TG: variants seen among roughly 807,000 people sequenced by gnomAD.
TG encodes the protein thyroid hormones.
In TG, 270 loss-of-function variants were observed where a neutral mutation model predicts 324.7. The ratio of observed to expected loss-of-function variants is 0.83; its 90% confidence interval spans 0.75 to 0.92. The LOEUF (loss-of-function observed/expected upper bound fraction) is 0.92, where lower values mean the gene tolerates loss of function less well. Among genes scored for constraint, TG ranks in the 40% least tolerant of loss-of-function variants. TG has a pLI of 0.00. For synonymous variants in TG, 1,401 were observed against 1,327.0 expected, an observed-to-expected ratio of 1.06 and a Z score of -1.21; for missense variants, 3,591 against 3,456.4, an observed-to-expected ratio of 1.04 and a Z score of -0.98.
At chr8:132,931,644 T>A (rs1032257394) in intron 23 of TG, among the ~76,000 whole-genome samples, 6 of 152,152 alleles carry the variant, frequency 3.9e-5, no homozygotes, top group Non-Finnish European at 5.9e-5. Flanking sequence ...GGGTCTAGGG[T>A]GCTCATCCTT....
chr8:133,105,023 A>G (rs530805598), intron 43 of TG, among the ~76,000 whole-genome samples: 2 of 152,278 alleles, frequency 1.3e-5, no homozygotes, highest in Non-Finnish European at 1.5e-5. Context: ...TTGTGTCTCC[A>G]TCTACCTCAG....
intron 26 of TG, among the ~76,000 whole-genome samples, chr8:132,945,325 G>GAATTTGGGAGGATGGGGAATCTAGTCA (rs1825090679): frequency 6.6e-6 from 1 of 152,178 alleles, no homozygotes; most frequent in Non-Finnish European, 1.5e-5. Context: ...ATAAGACTTT[G>GAATTTGGGAGGATGGGGAATCTAGTCA]AATTTGGGGG....
At chr8:132,995,743 G>A (rs1832815015) in intron 35 of TG, among the ~76,000 whole-genome samples, 1 of 152,128 alleles carries the variant, frequency 6.6e-6, no homozygotes, top group Non-Finnish European at 1.5e-5. Flanking sequence ...CTGAGCCTTT[G>A]AAATTTCACT....
chr8:133,094,791 G>T, intron 41 of TG: 2 of 569,310 alleles, frequency 3.5e-6, no homozygotes, highest in Non-Finnish European at 3.2e-6. Flanking sequence ...AAGACTGAAG[G>T]TTCCCTTGTG....
At chr8:132,952,406 G>T (rs543126413) in intron 27 of TG, among the ~76,000 whole-genome samples, 2 of 152,270 alleles carry the variant, frequency 1.3e-5, no homozygotes, top group South Asian at 2.1e-4. Flanking sequence ...TGTGCAATGG[G>T]CGCATTCGTT....
At chr8:132,875,627 T>G (rs921098057) in intron 5 of TG, among the ~76,000 whole-genome samples, 1 of 152,324 alleles carries the variant, frequency 6.6e-6, no homozygotes, top group East Asian at 1.9e-4. Context: ...ACACTGAGGT[T>G]GAGGCACAAT....
intron 20 of TG, 47 bp downstream of exon 20, chr8:132,913,312 C>T (rs1819801122): frequency 6.3e-7 from 1 of 1,595,888 alleles, no homozygotes; most frequent in Non-Finnish European, 8.6e-7. Context: ...CCATGTGAGG[C>T]TTTAGGAAAG....
intron 40 of TG, among the ~76,000 whole-genome samples, chr8:133,023,164 T>G (rs1835710005): frequency 6.6e-6 from 1 of 152,164 alleles, no homozygotes; most frequent in African/African-American, 2.4e-5. Flanking sequence ...GGGGTAGGCG[T>G]CCAGCATGAG....
At chr8:132,906,931 C>T in intron 17 of TG, 31 bp downstream of exon 17, 1 of 1,582,434 alleles carries the variant, frequency 6.3e-7, no homozygotes, top group South Asian at 1.1e-5. Flanking sequence ...TATCCTGCAC[C>T]CCGCTCCCTC....
chr8:133,116,906 A>G (rs1850743790), intron 45 of TG, among the ~76,000 whole-genome samples, 190 bp downstream of exon 45: 1 of 152,168 alleles, frequency 6.6e-6, no homozygotes, highest in African/African-American at 2.4e-5. Flanking sequence ...AATGGTGTGA[A>G]AGGCTTTGCA....
At chr8:132,976,540 G>T (rs1830196974) in intron 34 of TG, among the ~76,000 whole-genome samples, 1 of 152,178 alleles carries the variant, frequency 6.6e-6, no homozygotes, top group Non-Finnish European at 1.5e-5. Flanking sequence ...TTGGCCTAAG[G>T]CCCAGCTCCT....
Position 133,017,974 on chromosome 8 carries a change from C to T in TG, c.6759C>T (p.Gly2253=). ...CACCAGAGCCCTTGAACTGGACAGG[C>T]TCCTGGGATGCCAGCAAGCCAAGGT... ...FQAPEPLNWT[G]SWDASKPRAS... The change falls in exon 38 of 48, where the codon GGC becomes GGT. Residue 2253 remains glycine (G), a synonymous_variant. Coordinates refer to ENST00000220616, the MANE Select transcript of TG (RefSeq NM_003235.5). The T allele has an allele frequency of 4.3e-6, 7 of 1,614,198 alleles. No individual in the cohort carries two copies. The highest frequency in any genetic ancestry group is 1.1e-5 in the South Asian group (1 of 91,082).
At chr8:133,117,966 A>G (rs1850834089) in intron 45 of TG, among the ~76,000 whole-genome samples, 2 of 152,200 alleles carry the variant, frequency 1.3e-5, no homozygotes, top group African/African-American at 4.8e-5. Flanking sequence ...TAGGGTTGGC[A>G]TTGACAGTAC....
At chr8:133,028,569 G>T (rs2130980862) in intron 40 of TG, among the ~76,000 whole-genome samples, 1 of 152,328 alleles carries the variant, frequency 6.6e-6, no homozygotes. Context: ...GCACGGTTCT[G>T]TTCCCTTTAC....
At chr8:133,089,816 T>TGCCCACTCCCCCTCGGAATGGTC (rs1847210792) in intron 41 of TG, among the ~76,000 whole-genome samples, 1 of 152,156 alleles carries the variant, frequency 6.6e-6, no homozygotes, top group Non-Finnish European at 1.5e-5. Context: ...CTGCCATCCC[T>TGCCCACTCCCCCTCGGAATGGTC]GCCCACTCCC....
intron 18 of TG, among the ~76,000 whole-genome samples, chr8:132,909,454 G>C (rs1427698389): frequency 6.6e-6 from 1 of 152,190 alleles, no homozygotes; most frequent in African/African-American, 2.4e-5. Flanking sequence ...CTAGAGAGCT[G>C]AGGACCATGC....
rs187364594 is a variant in TG, at chr8:132,902,071, T to C, written c.3634+518T>C. 8.2e-4 allele frequency among the ~76,000 whole-genome samples: 125 copies of C among 152,320 alleles called. No homozygotes were observed. The East Asian group carries it at 0.018, about 23-fold the overall frequency. The stretch of plus-strand genomic sequence containing the variant: ...ATTATTATTGATTTTTAACCTTTTA[T>C]TTCTCCAATCTCTCAAGTCACAGGA... On this transcript the variant is annotated intron_variant, in intron 16 of 47. Transcript: ENST00000220616.
chr8:132,868,719 C>A (rs1029618854), intron 2 of TG, among the ~76,000 whole-genome samples: 1 of 152,210 alleles, frequency 6.6e-6, no homozygotes, highest in Non-Finnish European at 1.5e-5. Context: ...GGGTCGCTGT[C>A]TCCACATTGA....
chr8:133,062,620 C>A (rs750795849), intron 41 of TG, among the ~76,000 whole-genome samples: 59 of 152,372 alleles, frequency 3.9e-4, no homozygotes, highest in Non-Finnish European at 7.5e-4. Flanking sequence ...GCCACAGGCG[C>A]TGTCCTGCAC....
Sources: gnomAD v4.1 joint callset for allele counts (sites outside exome capture counted in the v4.1 genomes callset) on GRCh38, gnomAD v4.1.1 for gene constraint, MANE v1.5 for transcripts, NCBI Gene and HGNC (gene_info 2026-07-23, HGNC 2026-07-21) for gene names.